Variants in ATG14 observed in about 807,000 individuals in gnomAD.
ATG14 encodes the protein beclin 1-associated autophagy-related key regulator.
ATG14 carries 35 observed loss-of-function variants against 60.4 expected under a neutral mutation model. The ratio of observed to expected loss-of-function variants is 0.58; its 90% CI spans 0.44 to 0.77. The LOEUF (loss-of-function observed/expected upper bound fraction) is 0.77. Ranked by LOEUF, ATG14 falls within the 30% of genes least tolerant of loss-of-function variation. The probability of loss-of-function intolerance (pLI) is 0.00; values close to 1 mark genes in which losing one functional copy is unlikely to be tolerated. For synonymous variants in ATG14, 234 were observed against 228.8 expected, an observed-to-expected ratio of 1.02 and a Z score of -0.21; for missense variants, 647 against 626.3, an observed-to-expected ratio of 1.03 and a Z score of -0.35.
In ATG14 at chr14:55,368,154, TTTC is replaced by T. The variant is rs1884725723; in HGVS notation, c.*1462_*1464del. ...TACATAATGCCTCTCTCATTATAGT[TTTC>T]TTGTAAGATTGTCACTAAAAGAATG... is the stretch of plus-strand genomic sequence containing the variant. On this transcript the variant is annotated 3_prime_UTR_variant, in exon 10 of 10. Coordinates refer to ENST00000247178, the MANE Select transcript of ATG14 (RefSeq NM_014924.5). 6.5e-6 allele frequency: 1 copy of T among 152,684 alleles called. No homozygotes were observed. Among genetic ancestry groups the T allele is most frequent in the African/African-American group, 2.4e-5 (1 of 41,476 alleles). The allele number at this position is 152,684 out of a possible 1,614,324, so 9.5% of individuals were successfully genotyped here.
chr14:55,385,442 G>A (rs191237376), intron 5 of ATG14, among the ~76,000 whole-genome samples: 11 of 152,150 alleles, frequency 7.2e-5, no homozygotes, highest in East Asian at 1.9e-4. Context: ...ACAGGCACGC[G>A]CCACCACGCC....
intron 1 of ATG14, among the ~76,000 whole-genome samples, chr14:55,409,561 T>TAA (rs35648229): frequency 1.4e-5 from 2 of 147,038 alleles, no homozygotes; most frequent in South Asian, 2.1e-4. Flanking sequence ...AGCAGGCACC[T>TAA]AAAAAAAAAA....
rs1213925609 is a variant in ATG14 at position 55,368,145 on chromosome 14, CATTAT to C, written c.*1469_*1473del. ...ACATATTTGTACATAATGCCTCTCT[CATTAT>C]AGTTTTCTTGTAAGATTGTCACTAA... is the stretch of plus-strand genomic sequence containing the variant. On this transcript the variant is annotated 3_prime_UTR_variant, in exon 10 of 10. Coordinates refer to ENST00000247178, the MANE Select transcript of ATG14 (RefSeq NM_014924.5). 6.6e-6 allele frequency: 1 copy of C among 151,988 alleles called. No individual in the cohort carries two copies. Among genetic ancestry groups the C allele is most frequent in the Non-Finnish European group, 1.5e-5 (1 of 67,654 alleles). The allele number at this position is 151,988 out of a possible 1,614,324, so 9.4% of individuals were successfully genotyped here.
chr14:55,408,163 T>C (rs1392561034), intron 1 of ATG14, among the ~76,000 whole-genome samples: 1 of 152,142 alleles, frequency 6.6e-6, no homozygotes, highest in Non-Finnish European at 1.5e-5. Context: ...GTTAAGAAAC[T>C]TGCTCAGGGC....
chr14:55,385,978 T>C lies in ATG14; in HGVS notation c.528A>G (p.Val176=). 1 of 1,614,182 alleles carries C rather than the reference T, an allele frequency of 6.2e-7. No homozygotes were observed. The highest frequency in any genetic ancestry group is 8.5e-7 in the Non-Finnish European group (1 of 1,180,026). Residue 176 remains valine, a synonymous_variant, in exon 5 of 10, where the codon GTA becomes GTG. Transcript: ENST00000247178. The part of the protein sequence containing the change: ...QRHNRKLGDL[V]EKKTIDLRSH... Reference sequence around the variant, plus strand: ...TTCTTAAGTCAATGGTCTTTTTTTCTACCAGGTCACCAAGTTTGCGATTAT... The same window carrying C: ...TTCTTAAGTCAATGGTCTTTTTTTCCACCAGGTCACCAAGTTTGCGATTAT...
chr14:55,378,001 A>G lies in ATG14; in HGVS notation c.1069T>C (p.Tyr357His), dbSNP rs990781050. The change falls in exon 8 of 10, where the codon TAC (tyrosine) becomes CAC (histidine). Residue 357 changes from tyrosine to histidine, a missense_variant. Transcript: ENST00000247178. The part of the protein sequence containing the change: ...AVKKLNANIL[Y>H]LCFSQHVNLD... Reference sequence around the variant, plus strand: ...TTTCATACCTGAGAAAAACAAAGGTAAAGAATATTTGCATTCAGTTTCTTC... The same window carrying G: ...TTTCATACCTGAGAAAAACAAAGGTGAAGAATATTTGCATTCAGTTTCTTC... 1.9e-6 allele frequency: 3 copies of G among 1,611,024 alleles called. No homozygotes were observed. The African/African-American group carries it at 4.0e-5, about 22-fold the overall frequency.
chr14:55,396,238 T>C (rs10135891), intron 2 of ATG14, among the ~76,000 whole-genome samples: 16,685 of 152,254 alleles, frequency 0.11, 2,555 homozygotes, highest in African/African-American at 0.34. Flanking sequence ...GTCTTAGCCT[T>C]TGTCCTCAGT....
intron 6 of ATG14, 152 bp downstream of exon 6, chr14:55,381,810 G>A: frequency 1.5e-6 from 1 of 652,280 alleles, no homozygotes; most frequent in Non-Finnish European, 2.6e-6. Context: ...TGATCAAAAT[G>A]TTTTGAAATG....
At chr14:55,405,296 T>C (rs1388698297) in intron 1 of ATG14, among the ~76,000 whole-genome samples, 1 of 152,222 alleles carries the variant, frequency 6.6e-6, no homozygotes, top group African/African-American at 2.4e-5. Flanking sequence ...TGGTTGTGCC[T>C]TCCCCTTGAA....
chr14:55,382,639 C>T (rs1310831240), intron 5 of ATG14, among the ~76,000 whole-genome samples: 1 of 152,156 alleles, frequency 6.6e-6, no homozygotes, highest in Non-Finnish European at 1.5e-5. Context: ...TTGTGAGCCA[C>T]CATGCCTGGC....
rs903331327 is a variant in ATG14 at position 55,368,043 on chromosome 14, G to A, written c.*1576C>T. 6.6e-6 allele frequency: 1 copy of A among 152,590 alleles called. No individual in the cohort carries two copies. Among genetic ancestry groups the A allele is most frequent in the Non-Finnish European group, 1.5e-5 (1 of 68,032 alleles). The allele number at this position is 152,590 out of a possible 1,614,324, so 9.5% of individuals were successfully genotyped here. A position where few individuals can be genotyped will look rare whatever the true frequency, so the allele number is the denominator to read the frequency against. ...CACATAAGATATGGTAATAATGCCT[G>A]TTAGGACTCTTTCATAGGATTTCTT... On this transcript the variant is annotated 3_prime_UTR_variant, in exon 10 of 10. Transcript: ENST00000247178.
rs1884762942 is a variant in ATG14 at position 55,369,550 on chromosome 14, A to ATGTT, written c.*65_*68dup. The ATGTT allele has an allele frequency of 3.8e-6, 5 of 1,322,602 alleles. No homozygotes were observed. In the South Asian group the frequency reaches 1.0e-4, roughly 27 times the overall value. 81.9% of individuals were successfully genotyped at this position (1,322,602 alleles called of 1,614,324 possible). On this transcript the variant is annotated 3_prime_UTR_variant, in exon 10 of 10. Transcript: ENST00000247178. ...GACACTATCTTAACTTAAACAGAAAATGTTTACTAGAGTGTAGTGGGAGAA... is the reference window on the plus strand; with the variant it reads ...GACACTATCTTAACTTAAACAGAAAATGTTTGTTTACTAGAGTGTAGTGGGAGAA...
intron 1 of ATG14, among the ~76,000 whole-genome samples, chr14:55,398,497 C>T (rs1324020086): frequency 6.6e-6 from 1 of 152,114 alleles, no homozygotes; most frequent in Non-Finnish European, 1.5e-5. Context: ...AACTTTTAAT[C>T]TTCCATAAGA....
intron 3 of ATG14, among the ~76,000 whole-genome samples, chr14:55,391,529 G>A (rs534116433): frequency 1.3e-5 from 2 of 150,126 alleles, no homozygotes; most frequent in Non-Finnish European, 3.0e-5. Flanking sequence ...ACATAGTTTT[G>A]TATGTATCAG....
chr14:55,366,775 C>A lies in ATG14; in HGVS notation c.*2844G>T, dbSNP rs1192419446. 1 of 152,578 alleles carries A rather than the reference C, an allele frequency of 6.6e-6. No homozygotes were observed. Among genetic ancestry groups the A allele is most frequent in the Admixed American group, 6.5e-5 (1 of 15,272 alleles). 9.5% of individuals were successfully genotyped at this position (152,578 alleles called of 1,614,324 possible). On this transcript the variant is annotated 3_prime_UTR_variant, in exon 10 of 10. Coordinates refer to ENST00000247178, the MANE Select transcript of ATG14 (RefSeq NM_014924.5). ...TGGAAAACATGACCAAGTTCTATGGCTTTTTGTTTAAACAAAATACCAGCT... is the reference window on the plus strand; with the variant it reads ...TGGAAAACATGACCAAGTTCTATGGATTTTTGTTTAAACAAAATACCAGCT...
chr14:55,389,484 CAAATGTT>C, intron 4 of ATG14, among the ~76,000 whole-genome samples: 1 of 152,136 alleles, frequency 6.6e-6, no homozygotes, highest in Non-Finnish European at 1.5e-5. Context: ...TTTATTAGGA[CAAATGTT>C]TTCAATGGAA....
rs2140114615 is a variant in ATG14, at chr14:55,369,612, A to C, written c.*7T>G. ...ATGCAGATTTGGTATGTTTTGGTCC[A>C]TGCTCGTTAACGGTGTCCAGTGTAA... On this transcript the variant is annotated 3_prime_UTR_variant, in exon 10 of 10. Coordinates refer to ENST00000247178, the MANE Select transcript of ATG14 (RefSeq NM_014924.5). 2.0e-6 allele frequency: 3 copies of C among 1,502,810 alleles called. No individual in the cohort carries two copies. The highest frequency in any genetic ancestry group is 4.6e-5 in the East Asian group (2 of 43,796). 93.1% of individuals were successfully genotyped at this position (1,502,810 alleles called of 1,614,324 possible). A position where few individuals can be genotyped will look rare whatever the true frequency, so the allele number is the denominator to read the frequency against.
At chr14:55,411,081 G>A (rs931953901) in intron 1 of ATG14, among the ~76,000 whole-genome samples, 2 of 152,156 alleles carry the variant, frequency 1.3e-5, no homozygotes, top group Admixed American at 1.3e-4. Flanking sequence ...GGAAAGGGGC[G>A]TTAACAGCAA....
intron 3 of ATG14, among the ~76,000 whole-genome samples, chr14:55,393,623 T>G (rs1414138450): frequency 6.6e-6 from 1 of 151,838 alleles, no homozygotes; most frequent in East Asian, 1.9e-4. Flanking sequence ...ACAGCTCACT[T>G]CAGCCTGACC....
Sources: gnomAD v4.1 joint callset for allele counts (sites outside exome capture counted in the v4.1 genomes callset) on GRCh38, gnomAD v4.1.1 for gene constraint, MANE v1.5 for transcripts, NCBI Gene and HGNC (gene_info 2026-07-23, HGNC 2026-07-21) for gene names.